The following SSBP3 variants were observed in gnomAD, a reference collection of about 807,000 sequenced individuals.
The protein encoded by SSBP3 is single-stranded DNA-binding protein 3.
Under a neutral mutation model 69.6 loss-of-function variants are expected in SSBP3, and 5 were observed. That is an observed-to-expected ratio of 0.07 (90% CI 0.04 to 0.15). The LOEUF is 0.15. Among genes scored for constraint, SSBP3 ranks in the 10% least tolerant of loss-of-function variants. The pLI is 1.00. For missense variants in SSBP3, 312 were observed against 534.0 expected (o/e 0.58, Z 4.10); for synonymous variants, 196 against 193.4 (o/e 1.01, Z -0.11).
intron 4 of SSBP3, among the ~76,000 whole-genome samples, chr1:54,282,178 T>C (rs1439788237): frequency 6.6e-6 from 1 of 152,178 alleles, no homozygotes; most frequent in Admixed American, 6.5e-5. Flanking sequence ...GCATGGCCAA[T>C]GTGCTGCTCC....
At chr1:54,228,655 G>C (rs1343518469) in intron 15 of SSBP3, 93 bp downstream of exon 15, 1 of 1,497,554 alleles carries the variant, frequency 6.7e-7, no homozygotes, top group African/African-American at 1.4e-5. Flanking sequence ...AGGCCGGCCA[G>C]GGCTCTGTAC....
At chr1:54,361,517 GC>G (rs1306279028) in intron 4 of SSBP3, among the ~76,000 whole-genome samples, 1 of 152,078 alleles carries the variant, frequency 6.6e-6, no homozygotes, top group African/African-American at 2.4e-5. Flanking sequence ...GAGAAACACT[GC>G]CCCCAATAGA....
chr1:54,278,417 C>T (rs1208170402), intron 5 of SSBP3, among the ~76,000 whole-genome samples: 3 of 152,034 alleles, frequency 2.0e-5, no homozygotes, highest in Non-Finnish European at 4.4e-5. Flanking sequence ...ACATCTCATG[C>T]CACGGGACCA....
chr1:54,340,626 C>A (rs955979284), intron 4 of SSBP3, among the ~76,000 whole-genome samples: 3 of 152,228 alleles, frequency 2.0e-5, no homozygotes, highest in Non-Finnish European at 4.4e-5. Flanking sequence ...TGCTTCATCA[C>A]CCTCGGTACC....
chr1:54,302,504 G>A (rs1220282033), intron 4 of SSBP3, among the ~76,000 whole-genome samples: 2 of 151,974 alleles, frequency 1.3e-5, no homozygotes, highest in Non-Finnish European at 2.9e-5. Flanking sequence ...TAGAGATGGG[G>A]TTTCATCATG....
At chr1:54,322,528 C>G (rs1011782653) in intron 4 of SSBP3, among the ~76,000 whole-genome samples, 1 of 152,044 alleles carries the variant, frequency 6.6e-6, no homozygotes, top group African/African-American at 2.4e-5. Context: ...CACCTGGCCA[C>G]ATAAACTCAA....
At chr1:54,319,916 T>C (rs1646183370) in intron 4 of SSBP3, among the ~76,000 whole-genome samples, 1 of 152,116 alleles carries the variant, frequency 6.6e-6, no homozygotes, top group African/African-American at 2.4e-5. Context: ...CTGGAGAAAC[T>C]GGCTTCAAAC....
chr1:54,316,634 C>A (rs1368306835), intron 4 of SSBP3, among the ~76,000 whole-genome samples: 1 of 115,524 alleles, frequency 8.7e-6, no homozygotes. Context: ...GGCGACAGAG[C>A]GAGACTCCGT....
chr1:54,330,168 G>GA (rs35584802), intron 4 of SSBP3, among the ~76,000 whole-genome samples: 8,210 of 152,214 alleles, frequency 0.054, 307 homozygotes, highest in South Asian at 0.13. Flanking sequence ...AGGCAGGCCT[G>GA]AAAATCAACC....
chr1:54,262,746 A>G (rs1358657917), intron 5 of SSBP3, among the ~76,000 whole-genome samples: 1 of 152,194 alleles, frequency 6.6e-6, no homozygotes, highest in African/African-American at 2.4e-5. Flanking sequence ...CTGGGATGAG[A>G]ACTGGGGTCC....
At chr1:54,400,911 G>A (rs1649245123) in intron 4 of SSBP3, among the ~76,000 whole-genome samples, 1 of 152,166 alleles carries the variant, frequency 6.6e-6, no homozygotes, top group South Asian at 2.1e-4. Flanking sequence ...CAACTCCCAA[G>A]GACCCATGGT....
intron 14 of SSBP3, chr1:54,238,142 A>G (rs1273422164): frequency 4.2e-6 from 2 of 471,014 alleles, no homozygotes; most frequent in South Asian, 1.5e-5. Context: ...GGCAGGCCAG[A>G]AACCATCCCT....
intron 4 of SSBP3, among the ~76,000 whole-genome samples, chr1:54,322,341 G>A (rs139578127): frequency 1.3e-5 from 2 of 152,288 alleles, no homozygotes; most frequent in East Asian, 1.9e-4. Context: ...GGCTTCAGTG[G>A]GTTGAGGTGC....
intron 14 of SSBP3, among the ~76,000 whole-genome samples, chr1:54,231,001 T>A (rs1644370918): frequency 6.6e-6 from 1 of 152,356 alleles, no homozygotes; most frequent in South Asian, 2.1e-4. Context: ...CGTGTGGACA[T>A]ACGTTTTCAT....
intron 4 of SSBP3, among the ~76,000 whole-genome samples, chr1:54,363,996 C>T (rs1257891481): frequency 6.6e-6 from 1 of 151,700 alleles, no homozygotes; most frequent in Non-Finnish European, 1.5e-5. Context: ...GTGTTGGTCC[C>T]TAATTCAAAG....
intron 4 of SSBP3, among the ~76,000 whole-genome samples, chr1:54,311,622 T>C (rs1328724273): frequency 6.6e-6 from 1 of 151,988 alleles, no homozygotes; most frequent in Non-Finnish European, 1.5e-5. Context: ...AAGACACCCA[T>C]AGCTGCAGCA....
intron 5 of SSBP3, among the ~76,000 whole-genome samples, chr1:54,275,228 C>T (rs1177083438): frequency 2.0e-5 from 3 of 152,210 alleles, no homozygotes; most frequent in African/African-American, 7.2e-5. Context: ...TCTCACATGA[C>T]GGGGACTCAG....
intron 1 of SSBP3, among the ~76,000 whole-genome samples, chr1:54,405,237 C>T (rs1381467471): frequency 2.0e-5 from 3 of 152,234 alleles, no homozygotes; most frequent in East Asian, 3.8e-4. Flanking sequence ...GACCCCACAG[C>T]CACCTTGCCT....
intron 4 of SSBP3, among the ~76,000 whole-genome samples, chr1:54,307,768 G>C (rs1645926701): frequency 6.6e-6 from 1 of 152,122 alleles, no homozygotes; most frequent in Admixed American, 6.5e-5. Flanking sequence ...ACTCCCACCT[G>C]CGCCGTGACA....
Sources: gnomAD v4.1 joint callset for allele counts (sites outside exome capture counted in the v4.1 genomes callset) on GRCh38, gnomAD v4.1.1 for gene constraint, MANE v1.5 for transcripts, NCBI Gene and HGNC (gene_info 2026-07-23, HGNC 2026-07-21) for gene names.